Variants in GRM8 observed in about 807,000 individuals in gnomAD.
The protein encoded by GRM8 is glutamate metabotropic receptor 8.
A neutral mutation model predicts 87.2 loss-of-function variants in GRM8; 47 were observed. The ratio of observed to expected loss-of-function variants is 0.54; its 90% CI spans 0.43 to 0.69. The LOEUF (loss-of-function observed/expected upper bound fraction) is 0.69, where lower values mean the gene tolerates loss of function less well. Among genes scored for constraint, GRM8 ranks in the 30% least tolerant of loss-of-function variants. The pLI is 0.00. For missense variants in GRM8, 1,019 were observed against 1,139.2 expected (o/e 0.89, Z 1.52); for synonymous variants, 396 against 404.5 (o/e 0.98, Z 0.25).
intron 7 of GRM8, among the ~76,000 whole-genome samples, chr7:126,632,140 A>G (rs1481579235): frequency 1.3e-5 from 2 of 152,204 alleles, no homozygotes; most frequent in African/African-American, 4.8e-5. Flanking sequence ...CATCTGACAA[A>G]GGTCTGATAG....
In GRM8 at chr7:127,109,022, T is replaced by C. The variant is rs17865964; in HGVS notation, c.511-2310A>G. ...GGTAGACCCCTAAGCATTGGTTCATTAAGCATTTTAATTTCTGTCCCAGCA... is the reference window on the plus strand; with the variant it reads ...GGTAGACCCCTAAGCATTGGTTCATCAAGCATTTTAATTTCTGTCCCAGCA... On this transcript the variant is annotated intron_variant, in intron 2 of 10. Coordinates refer to ENST00000339582, the MANE Select transcript of GRM8 (RefSeq NM_000845.3). Among the ~76,000 whole-genome samples, 17 of 152,324 alleles carry C rather than the reference T, an allele frequency of 1.1e-4. No homozygotes were observed. In the East Asian group the frequency reaches 3.3e-3, roughly 29 times the overall value.
chr7:127,164,681 G>A (rs1472337789), intron 2 of GRM8, among the ~76,000 whole-genome samples: 1 of 152,040 alleles, frequency 6.6e-6, no homozygotes, highest in East Asian at 1.9e-4. Flanking sequence ...AGCCATCGTA[G>A]GCAGCTTTTC....
chr7:127,186,235 G>GA (rs894058069), intron 2 of GRM8, among the ~76,000 whole-genome samples: 1 of 152,078 alleles, frequency 6.6e-6, no homozygotes, highest in African/African-American at 2.4e-5. Context: ...GGGGTGAGGG[G>GA]AAAATGACCT....
intron 6 of GRM8, among the ~76,000 whole-genome samples, chr7:126,842,388 T>C (rs1186781554): frequency 6.6e-6 from 1 of 152,194 alleles, no homozygotes; most frequent in Admixed American, 6.5e-5. Flanking sequence ...CCCAAAACTA[T>C]ATAGTAAGAA....
intron 6 of GRM8, among the ~76,000 whole-genome samples, chr7:126,811,114 T>A (rs1467064748): frequency 6.6e-6 from 1 of 152,120 alleles, no homozygotes; most frequent in Non-Finnish European, 1.5e-5. Flanking sequence ...CAGCATCATT[T>A]ATGGAAAAGC....
chr7:126,919,692 C>T (rs1317077597), intron 3 of GRM8, among the ~76,000 whole-genome samples: 1 of 152,008 alleles, frequency 6.6e-6, no homozygotes, highest in East Asian at 1.9e-4. Context: ...ATAATAGCCT[C>T]GCTTTTCCTC....
chr7:126,746,852 T>C (rs1395372461), intron 7 of GRM8, among the ~76,000 whole-genome samples: 1 of 151,806 alleles, frequency 6.6e-6, no homozygotes, highest in African/African-American at 2.4e-5. Flanking sequence ...ACAAGGAATA[T>C]GCAATATAAA....
At chr7:127,170,222 C>A (rs918868826) in intron 2 of GRM8, among the ~76,000 whole-genome samples, 18 of 152,022 alleles carry the variant, frequency 1.2e-4, no homozygotes, top group Non-Finnish European at 2.1e-4. Flanking sequence ...AAACGGCCAA[C>A]AAACATGAAA....
At chr7:126,547,669 A>T (rs9942680) in intron 8 of GRM8, among the ~76,000 whole-genome samples, 54,647 of 151,656 alleles carry the variant, frequency 0.36, 9,983 homozygotes, top group East Asian at 0.44. Flanking sequence ...ATGCCCAATA[A>T]TTATAAGAAG....
chr7:126,939,284 T>A (rs1476695051), intron 3 of GRM8, among the ~76,000 whole-genome samples: 3 of 152,180 alleles, frequency 2.0e-5, no homozygotes, highest in African/African-American at 7.2e-5. Flanking sequence ...AAAAATATAC[T>A]TCTAGGTTTG....
chr7:126,820,966 T>C (rs1285573475), intron 6 of GRM8, among the ~76,000 whole-genome samples: 5 of 152,176 alleles, frequency 3.3e-5, no homozygotes, highest in Admixed American at 3.3e-4. Context: ...CCGGGCATGG[T>C]GGCACACACC....
At chr7:127,241,911 G>A (rs17865315) in intron 2 of GRM8, among the ~76,000 whole-genome samples, 25,780 of 152,004 alleles carry the variant, frequency 0.17, 2,484 homozygotes, top group Middle Eastern at 0.33. Context: ...TAATGAAAAT[G>A]GTGAGTTAAC....
intron 7 of GRM8, among the ~76,000 whole-genome samples, chr7:126,692,343 C>T (rs1808914952): frequency 6.6e-6 from 1 of 152,096 alleles, no homozygotes; most frequent in Admixed American, 6.5e-5. Context: ...TGCTGACTTG[C>T]TATAGAATGA....
chr7:127,209,024 T>C (rs1796068149), intron 2 of GRM8, among the ~76,000 whole-genome samples: 1 of 152,258 alleles, frequency 6.6e-6, no homozygotes, highest in East Asian at 1.9e-4. Context: ...TATAAATAGG[T>C]AAAATGAAGT....
In GRM8 at chr7:126,533,825, C is replaced by G; in HGVS notation, c.1557G>C (p.Pro519=). The part of the protein sequence containing the change: ...HTHPASVCSL[P]CKPGERKKTV... ...TTTTCTTCCTCTCCCCTGGCTTACA[C>G]GGCAGGCTGCAGACAGACGCCGGGT... Residue 519 remains proline, a synonymous_variant, in exon 9 of 11, where the codon CCG becomes CCC. Transcript: ENST00000339582. 1.9e-5 allele frequency: 31 copies of G among 1,614,072 alleles called. No homozygotes were observed. Among genetic ancestry groups the G allele is most frequent in the Non-Finnish European group, 2.6e-5 (31 of 1,179,956 alleles).
intron 8 of GRM8, among the ~76,000 whole-genome samples, chr7:126,545,183 T>C (rs1817005618): frequency 6.6e-6 from 1 of 152,190 alleles, no homozygotes; most frequent in African/African-American, 2.4e-5. Flanking sequence ...GTATGTATTG[T>C]GGATGCGGTG....
intron 6 of GRM8, among the ~76,000 whole-genome samples, chr7:126,847,940 A>G (rs1238202012): frequency 6.6e-6 from 1 of 152,218 alleles, no homozygotes; most frequent in Non-Finnish European, 1.5e-5. Context: ...ATGAAACCTG[A>G]GATCAAGAGG....
intron 9 of GRM8, among the ~76,000 whole-genome samples, chr7:126,484,565 A>C (rs908407625): frequency 1.3e-5 from 2 of 152,082 alleles, no homozygotes; most frequent in Non-Finnish European, 2.9e-5. Flanking sequence ...TTTAAATGTA[A>C]CTACTACTTA....
intron 2 of GRM8, among the ~76,000 whole-genome samples, chr7:127,177,585 A>C: frequency 6.6e-6 from 1 of 152,272 alleles, no homozygotes; most frequent in East Asian, 1.9e-4. Flanking sequence ...AAGAACCCTC[A>C]CAGAATCCAT....
Sources: gnomAD v4.1 joint callset for allele counts (sites outside exome capture counted in the v4.1 genomes callset) on GRCh38, gnomAD v4.1.1 for gene constraint, MANE v1.5 for transcripts, NCBI Gene and HGNC (gene_info 2026-07-23, HGNC 2026-07-21) for gene names.